PCDHGA4: variants seen among roughly 807,000 people sequenced by gnomAD.
PCDHGA4 encodes protocadherin gamma subfamily A, 4.
A neutral mutation model predicts 54.6 loss-of-function variants in PCDHGA4; 38 were observed. That is an observed-to-expected ratio of 0.70 (90% CI 0.54 to 0.91). The LOEUF is 0.91. Ranked by LOEUF, PCDHGA4 falls within the 40% of genes least tolerant of loss-of-function variation. The pLI is 0.00. For missense variants in PCDHGA4, 1,298 were observed against 1,220.9 expected, an observed-to-expected ratio of 1.06 and a Z score of -0.94; for synonymous variants, 511 against 512.9, an observed-to-expected ratio of 1.00 and a Z score of 0.05.
intron 1 of PCDHGA4, chr5:141,408,253 A>G (rs749487100): frequency 3.4e-4 from 550 of 1,599,220 alleles, no homozygotes; most frequent in Non-Finnish European, 4.4e-4. Flanking sequence ...GGCAGGTGCT[A>G]TTTCCTTTGC....
chr5:141,434,209 A>G (rs946478332), intron 1 of PCDHGA4, among the ~76,000 whole-genome samples: 17 of 152,216 alleles, frequency 1.1e-4, no homozygotes, highest in African/African-American at 4.1e-4. Flanking sequence ...TACTTCTGTC[A>G]GTGTAAACAA....
At chr5:141,394,373 C>G in intron 1 of PCDHGA4, 2 of 1,614,206 alleles carry the variant, frequency 1.2e-6, no homozygotes, top group Non-Finnish European at 8.5e-7. Context: ...TGCAATCTTT[C>G]GACTATGAGC....
intron 1 of PCDHGA4, chr5:141,402,990 T>A (rs773089843): frequency 1.6e-5 from 26 of 1,611,934 alleles, no homozygotes; most frequent in Non-Finnish European, 2.0e-5. Context: ...CGCGGAAGAT[T>A]AGTCCTGCTA....
intron 1 of PCDHGA4, among the ~76,000 whole-genome samples, chr5:141,359,797 G>A (rs1404326992): frequency 6.6e-6 from 1 of 152,066 alleles, no homozygotes; most frequent in African/African-American, 2.4e-5. Context: ...TGCATCTTTT[G>A]AATTTGGAAC....
At chr5:141,384,550 T>C (rs1262991038) in intron 1 of PCDHGA4, 1 of 1,614,220 alleles carries the variant, frequency 6.2e-7, no homozygotes, top group Non-Finnish European at 8.5e-7. Context: ...ACTGAGCCTG[T>C]TCGTGCTGGA....
At chr5:141,436,300 G>A (rs966232889) in intron 1 of PCDHGA4, among the ~76,000 whole-genome samples, 1 of 152,180 alleles carries the variant, frequency 6.6e-6, no homozygotes, top group African/African-American at 2.4e-5. Flanking sequence ...TTGAGAGTTA[G>A]AGCATGAATA....
chr5:141,462,011 C>T (rs567038580), intron 1 of PCDHGA4, among the ~76,000 whole-genome samples: 32 of 152,182 alleles, frequency 2.1e-4, no homozygotes, highest in Admixed American at 5.9e-4. Flanking sequence ...TTAATAGAGA[C>T]GGGGTTTCTT....
intron 1 of PCDHGA4, among the ~76,000 whole-genome samples, chr5:141,484,322 T>C (rs2099594801): frequency 6.6e-6 from 1 of 152,214 alleles, no homozygotes; most frequent in Non-Finnish European, 1.5e-5. Flanking sequence ...TTCCATACTG[T>C]CCTTGAAATC....
rs773840884 is a variant in PCDHGA4 at position 141,372,185 on chromosome 5, C to G, written c.2514+14564C>G. 1.9e-6 allele frequency: 3 copies of G among 1,613,630 alleles called. No homozygotes were observed. The South Asian group carries it at 3.3e-5, about 18-fold the overall frequency. On this transcript the variant is annotated intron_variant, in intron 1 of 3. Coordinates refer to ENST00000571252, the MANE Select transcript of PCDHGA4 (RefSeq NM_018917.4). ...CCAAGGTGGTGGCGGTGGACGCAGA[C>G]TCGGGATACAACGCCTGGCTGTCCT...
chr5:141,490,417 C>A lies in PCDHGA4; in HGVS notation c.2515-4390C>A, dbSNP rs767996336. ...AGTGAGCCTTGATATCTCTCCGGAC[C>A]TGCCATTTCAGATTAAGCCTTCTGA... On this transcript the variant is annotated intron_variant, in intron 1 of 3. Transcript: ENST00000571252. The surrounding 1 kb of genome is among the most constrained non-coding windows in gnomAD (Gnocchi z 5.4). 4.3e-6 allele frequency: 7 copies of A among 1,614,196 alleles called. No homozygotes were observed. In the South Asian group the frequency reaches 7.7e-5, roughly 18 times the overall value.
chr5:141,355,839 G>C lies in PCDHGA4; in HGVS notation c.732G>C (p.Thr244=), dbSNP rs554282896. 6.2e-7 allele frequency: 1 copy of C among 1,612,140 alleles called. No individual in the cohort carries two copies. Among genetic ancestry groups the C allele is most frequent in the East Asian group, 2.2e-5 (1 of 44,844 alleles). The change falls in exon 1 of 4, where the codon ACG becomes ACC. Residue 244 remains threonine (T), a synonymous_variant. Transcript: ENST00000571252. ...EEEAVHHLVL[T]AFDGGDPVRS... ...AGGCGGTTCACCACCTCGTTCTCAC[G>C]GCCTTCGATGGAGGTGACCCGGTTC... is the stretch of plus-strand genomic sequence containing the variant.
At position 141,423,722 on chromosome 5, in the gene PCDHGA4, G is replaced by A. The variant is rs541297269; in HGVS notation, c.2514+66101G>A. Reference sequence around the variant, plus strand: ...CTTGGCACAAGTCTTTTAAGGAGATGTTTTTTGAGCCTGTTATGAAAACTG... The same window carrying A: ...CTTGGCACAAGTCTTTTAAGGAGATATTTTTTGAGCCTGTTATGAAAACTG... On this transcript the variant is annotated intron_variant, in intron 1 of 3. Coordinates refer to ENST00000571252, the MANE Select transcript of PCDHGA4 (RefSeq NM_018917.4). 5 of 954,184 alleles carry A rather than the reference G, an allele frequency of 5.2e-6. No individual in the cohort carries two copies. In the African/African-American group the frequency reaches 6.3e-5, roughly 12 times the overall value. The allele number at this position is 954,184 out of a possible 1,614,324, so 59.1% of individuals were successfully genotyped here.
Position 141,511,508 on chromosome 5 carries a change from C to T in PCDHGA4, c.*335C>T, listed in dbSNP as rs1339517659. 7.8e-6 allele frequency: 3 copies of T among 385,970 alleles called. No individual in the cohort carries two copies. Among genetic ancestry groups the T allele is most frequent in the Non-Finnish European group, 1.5e-5 (3 of 206,164 alleles). The allele number at this position is 385,970 out of a possible 1,614,324, so 23.9% of individuals were successfully genotyped here. Reference sequence around the variant, plus strand: ...TCCTCCATCTTCCAAATCAATCAGGCCCATCCATCCCATGCCTCCCTCCTC... The same window carrying T: ...TCCTCCATCTTCCAAATCAATCAGGTCCATCCATCCCATGCCTCCCTCCTC... On this transcript the variant is annotated 3_prime_UTR_variant, in exon 4 of 4. Coordinates refer to ENST00000571252, the MANE Select transcript of PCDHGA4 (RefSeq NM_018917.4).
rs752744809 is a variant in PCDHGA4, at chr5:141,393,680, T to C, written c.2514+36059T>C. On this transcript the variant is annotated intron_variant, in intron 1 of 3. Coordinates refer to ENST00000571252, the MANE Select transcript of PCDHGA4 (RefSeq NM_018917.4). The stretch of plus-strand genomic sequence containing the variant: ...TCCGGAAAATTAATGAAAAACAAAC[T>C]CCGTTATTCCAGCTTAATGAAAATA... 8 of 1,613,764 alleles carry C rather than the reference T, an allele frequency of 5.0e-6. No individual in the cohort carries two copies. The East Asian group carries it at 1.1e-4, about 22-fold the overall frequency.
intron 1 of PCDHGA4, chr5:141,441,743 C>T (rs1298220876): frequency 1.4e-5 from 5 of 367,166 alleles, no homozygotes; most frequent in Non-Finnish European, 2.2e-5. Context: ...AGCTCGCGCT[C>T]GGCGTCAACG....
Position 141,491,287 on chromosome 5 carries a change from C to T in PCDHGA4, c.2515-3520C>T, listed in dbSNP as rs1562145447. 2 of 1,614,030 alleles carry T rather than the reference C, an allele frequency of 1.2e-6. No homozygotes were observed. Among genetic ancestry groups the T allele is most frequent in the Admixed American group, 1.7e-5 (1 of 60,032 alleles). On this transcript the variant is annotated intron_variant, in intron 1 of 3. Coordinates refer to ENST00000571252, the MANE Select transcript of PCDHGA4 (RefSeq NM_018917.4). The surrounding 1 kb of genome is among the most constrained non-coding windows in gnomAD (Gnocchi z 6.9). ...GCCCAAATCCAGTGACTTCCTCATA[C>T]ACCCTCCTGAGCGTTCAGACCTTAC... is the stretch of plus-strand genomic sequence containing the variant.
rs1315225126 is a variant in PCDHGA4 at position 141,487,926 on chromosome 5, A to G, written c.2515-6881A>G. The G allele has an allele frequency of 2.2e-5, 14 of 626,676 alleles. No individual in the cohort carries two copies. Among genetic ancestry groups the G allele is most frequent in the Non-Finnish European group, 3.9e-5 (14 of 359,988 alleles). The allele number at this position is 626,676 out of a possible 1,614,324, so 38.8% of individuals were successfully genotyped here. ...GTGGGAGCACAGGAGGCTACAGTGC[A>G]CAGGGTACAGTGCACCAGGCAGTCA... On this transcript the variant is annotated intron_variant, in intron 1 of 3. Coordinates refer to ENST00000571252, the MANE Select transcript of PCDHGA4 (RefSeq NM_018917.4). The surrounding 1 kb of genome is among the most constrained non-coding windows in gnomAD (Gnocchi z 5.0).
At chr5:141,438,290 A>G (rs1043285243) in intron 1 of PCDHGA4, among the ~76,000 whole-genome samples, 5 of 152,074 alleles carry the variant, frequency 3.3e-5, no homozygotes, top group East Asian at 3.9e-4. Flanking sequence ...TTTAATCTGT[A>G]TGTAAAAGAA....
In PCDHGA4 at chr5:141,476,255, G is replaced by A. The variant is rs767691159; in HGVS notation, c.2515-18552G>A. 6.2e-7 allele frequency: 1 copy of A among 1,614,090 alleles called. No individual in the cohort carries two copies. Among genetic ancestry groups the A allele is most frequent in the Admixed American group, 1.7e-5 (1 of 60,022 alleles). ...GGAGGAAAGAGAGAAGGGTTTCGCT[G>A]TGGGCAACGTGGTCGCGAACCTTGG... On this transcript the variant is annotated intron_variant, in intron 1 of 3. Transcript: ENST00000571252. The surrounding 1 kb of genome is among the most constrained non-coding windows in gnomAD (Gnocchi z 7.6).
Sources: gnomAD v4.1 joint callset for allele counts (sites outside exome capture counted in the v4.1 genomes callset) on GRCh38, gnomAD v4.1.1 for gene constraint, Gnocchi (gnomAD v3.1) non-coding constraint, MANE v1.5 for transcripts, NCBI Gene and HGNC (gene_info 2026-07-23, HGNC 2026-07-21) for gene names.